Variants in NUP50 observed in about 807,000 individuals in gnomAD.
NUP50 encodes nucleoporin 50, also known as nuclear pore complex protein Nup50.
Under a neutral mutation model 36.8 loss-of-function variants are expected in NUP50, and 14 were observed. The observed-to-expected ratio is 0.38, with a 90% CI of 0.25 to 0.59. The LOEUF is 0.59. Among genes scored for constraint, NUP50 ranks in the 20% least tolerant of loss-of-function variants. NUP50 has a pLI of 0.63. For missense variants in NUP50, 455 were observed against 564.6 expected (o/e 0.81, Z 1.97); for synonymous variants, 195 against 210.8 (o/e 0.93, Z 0.65).
chr22:45,182,067 A>C (rs184804571), intron 6 of NUP50, among the ~76,000 whole-genome samples: 1 of 152,236 alleles, frequency 6.6e-6, no homozygotes, highest in Admixed American at 6.5e-5. Flanking sequence ...AGAGGCCAAC[A>C]ATTTCTTCTG....
chr22:45,171,193 C>T (rs1410673884), intron 2 of NUP50: 1 of 1,141,758 alleles, frequency 8.8e-7, no homozygotes, highest in Non-Finnish European at 1.1e-6. Flanking sequence ...TTATAAATAA[C>T]AAAATTTATT....
At chr22:45,167,171 G>A (rs1233808541) in intron 1 of NUP50, among the ~76,000 whole-genome samples, 4 of 152,148 alleles carry the variant, frequency 2.6e-5, no homozygotes, top group Non-Finnish European at 5.9e-5. Flanking sequence ...AGTGGGGAGA[G>A]TATCACGAAG....
Position 45,176,041 on chromosome 22 carries a change from G to A in NUP50, c.301G>A (p.Ala101Thr), listed in dbSNP as rs751626638. The change falls in exon 4 of 8, where the codon GCC becomes ACC. Residue 101 changes from alanine (A) to threonine (T), a missense_variant. Transcript: ENST00000347635. Reference sequence around the variant, plus strand: ...CAACATAACCAGTGCCCCTCCCTTCGCCAGTGCAAAGGCAGCGGCAGATCC... The same window carrying A: ...CAACATAACCAGTGCCCCTCCCTTCACCAGTGCAAAGGCAGCGGCAGATCC... ...GNNITSAPPF[A>T]SAKAAADPKV... The A allele has an allele frequency of 1.1e-5, 17 of 1,614,000 alleles. No homozygotes were observed. The highest frequency in any genetic ancestry group is 3.3e-5 in the South Asian group (3 of 91,076).
rs1456361963 is a variant in NUP50 at position 45,185,663 on chromosome 22, A to G, written c.*1008A>G. On this transcript the variant is annotated 3_prime_UTR_variant, in exon 8 of 8. Coordinates refer to ENST00000347635, the MANE Select transcript of NUP50 (RefSeq NM_007172.4). The stretch of plus-strand genomic sequence containing the variant: ...AACTTTGCCTTTAACTTTAGACCGC[A>G]GTATATTATAATACATTTGATATCT... 1 of 152,226 alleles carries G rather than the reference A, an allele frequency of 6.6e-6. No homozygotes were observed. The allele number at this position is 152,226 out of a possible 1,614,324, so 9.4% of individuals were successfully genotyped here. A position where few individuals can be genotyped will look rare whatever the true frequency, so the allele number is the denominator to read the frequency against.
At chr22:45,183,573 G>T (rs1367514128) in intron 7 of NUP50, 53 bp downstream of exon 7, 4 of 1,118,710 alleles carry the variant, frequency 3.6e-6, no homozygotes, top group Non-Finnish European at 5.5e-6. Context: ...GTATATAAAA[G>T]CGTTTACCCT....
rs530128415 is a variant in NUP50 at position 45,177,969 on chromosome 22, T to C, written c.341-269T>C. 1,218 of 391,030 alleles carry C rather than the reference T, an allele frequency of 3.1e-3. 3 individuals carry two copies. Among genetic ancestry groups the C allele is most frequent in the Non-Finnish European group, 4.5e-3 (959 of 211,852 alleles). The allele number at this position is 391,030 out of a possible 1,614,324, so 24.2% of individuals were successfully genotyped here. On this transcript the variant is annotated intron_variant, in intron 4 of 7. Coordinates refer to ENST00000347635, the MANE Select transcript of NUP50 (RefSeq NM_007172.4). ...TGACGAAACCCCATCTCTACTAAAA[T>C]ACAAAAATTAGCCGGGTGTGGTGGC...
chr22:45,187,774 A>G lies in NUP50; in HGVS notation c.*3119A>G, dbSNP rs1248218599. 6.6e-6 allele frequency: 1 copy of G among 152,600 alleles called. No homozygotes were observed. The allele number at this position is 152,600 out of a possible 1,614,324, so 9.5% of individuals were successfully genotyped here. Reference sequence around the variant, plus strand: ...CGTATGTTCTCAGCCAGTAACAATCATACTGAGGACGAAGGACTCTCCGTT... The same window carrying G: ...CGTATGTTCTCAGCCAGTAACAATCGTACTGAGGACGAAGGACTCTCCGTT... On this transcript the variant is annotated 3_prime_UTR_variant, in exon 8 of 8. Transcript: ENST00000347635.
rs541984009 is a variant in NUP50 at position 45,165,254 on chromosome 22, T to A, written c.-11+958T>A. 1.7e-4 allele frequency among the ~76,000 whole-genome samples: 26 copies of A among 152,338 alleles called. 1 individual carries two copies. The South Asian group carries it at 3.1e-3, about 18-fold the overall frequency. ...TTTTTAAATTCCCTTTTATTGATTGTTTGATTGAGACTGGGTCTTGCTTTG... is the reference window on the plus strand; with the variant it reads ...TTTTTAAATTCCCTTTTATTGATTGATTGATTGAGACTGGGTCTTGCTTTG... On this transcript the variant is annotated intron_variant, in intron 1 of 7. Coordinates refer to ENST00000347635, the MANE Select transcript of NUP50 (RefSeq NM_007172.4).
At chr22:45,165,220 C>T (rs1452997728) in intron 1 of NUP50, among the ~76,000 whole-genome samples, 2 of 152,162 alleles carry the variant, frequency 1.3e-5, no homozygotes, top group African/African-American at 4.8e-5. Context: ...TACCCACAAA[C>T]GCAAACGTTT....
chr22:45,176,218 C>T, intron 4 of NUP50, 138 bp downstream of exon 4: 2 of 925,522 alleles, frequency 2.2e-6, no homozygotes, highest in Non-Finnish European at 1.6e-6. Flanking sequence ...AGAGATGGAA[C>T]TTAGGGAGGT....
intron 3 of NUP50, chr22:45,175,672 TCCTG>T: frequency 2.2e-6 from 1 of 454,516 alleles, no homozygotes; most frequent in Non-Finnish European, 3.9e-6. Flanking sequence ...TAAATGTCCT[TCCTG>T]CCTGTTTCAG....
Position 45,185,904 on chromosome 22 carries a change from C to G in NUP50, c.*1249C>G, listed in dbSNP as rs184963048. ...TCATTTGAGACTAGTACCAGCTGATCTTGTGTACAGGCTCAGGGTCAGTGC... is the reference window on the plus strand; with the variant it reads ...TCATTTGAGACTAGTACCAGCTGATGTTGTGTACAGGCTCAGGGTCAGTGC... On this transcript the variant is annotated 3_prime_UTR_variant, in exon 8 of 8. Transcript: ENST00000347635. 4.4e-4 allele frequency: 67 copies of G among 152,338 alleles called. No homozygotes were observed. The highest frequency in any genetic ancestry group is 1.6e-3 in the African/African-American group (66 of 41,578). The allele number at this position is 152,338 out of a possible 1,614,324, so 9.4% of individuals were successfully genotyped here. A position where few individuals can be genotyped will look rare whatever the true frequency, so the allele number is the denominator to read the frequency against.
chr22:45,186,449 T>G lies in NUP50; in HGVS notation c.*1794T>G, dbSNP rs2083448164. ...GATGAAGAACTAAGGGGAACAAATT[T>G]AAGTTTGTTGCAACTTAGCCACACA... On this transcript the variant is annotated 3_prime_UTR_variant, in exon 8 of 8. Coordinates refer to ENST00000347635, the MANE Select transcript of NUP50 (RefSeq NM_007172.4). The G allele has an allele frequency of 6.6e-6, 1 of 152,208 alleles. No homozygotes were observed. The allele number at this position is 152,208 out of a possible 1,614,324, so 9.4% of individuals were successfully genotyped here.
At chr22:45,168,036 C>T in intron 1 of NUP50, 132 bp from the exon 2 acceptor site, 1 of 679,350 alleles carries the variant, frequency 1.5e-6, no homozygotes. Flanking sequence ...AAGCAGTTTC[C>T]AGATGCTTTT....
chr22:45,178,633 A>G lies in NUP50; in HGVS notation c.736A>G (p.Thr246Ala). The part of the protein sequence containing the change: ...FLFHGNKTED[T>A]PDKKMEVASE... ...GTTTCATGGCAACAAAACTGAAGAT[A>G]CACCTGACAAGAAGATGGAGGTGGC... Residue 246 changes from threonine to alanine, a missense_variant, in exon 5 of 8, where the codon ACA (threonine) becomes GCA (alanine). Coordinates refer to ENST00000347635, the MANE Select transcript of NUP50 (RefSeq NM_007172.4). 1.2e-6 allele frequency: 2 copies of G among 1,612,032 alleles called. No homozygotes were observed. The highest frequency in any genetic ancestry group is 1.7e-6 in the Non-Finnish European group (2 of 1,179,854).
chr22:45,171,596 G>T lies in NUP50; in HGVS notation c.70-4G>T, dbSNP rs78651571. On this transcript the variant is annotated splice_polypyrimidine_tract_variant and splice_region_variant and intron_variant, in intron 2 of 7. Transcript: ENST00000347635. ...ACTGCTGCTTAATTTGTATTGTATT[G>T]CAGGTGGGAACATTCTCCATGGCCA... 4,030 of 1,612,354 alleles carry T rather than the reference G, an allele frequency of 2.5e-3. 94 individuals are homozygous for T. In the African/African-American group the frequency reaches 0.049, roughly 19 times the overall value.
intron 4 of NUP50, among the ~76,000 whole-genome samples, chr22:45,176,913 T>C (rs1320091348): frequency 6.6e-6 from 1 of 152,106 alleles, no homozygotes; most frequent in Non-Finnish European, 1.5e-5. Flanking sequence ...AGCTAATTTT[T>C]GTAATTTTAG....
At chr22:45,170,874 A>G (rs1273384338) in intron 2 of NUP50, 6 of 598,586 alleles carry the variant, frequency 1.0e-5, no homozygotes, top group Non-Finnish European at 1.5e-5. Context: ...ACTTGGGGCA[A>G]GTGCAGCCAG....
At chr22:45,182,299 A>C (rs1466359354) in intron 6 of NUP50, among the ~76,000 whole-genome samples, 1 of 151,948 alleles carries the variant, frequency 6.6e-6, no homozygotes, top group Non-Finnish European at 1.5e-5. Flanking sequence ...AAATTAGCCT[A>C]ATGTGGTGGC....
Sources: gnomAD v4.1 joint callset for allele counts (sites outside exome capture counted in the v4.1 genomes callset) on GRCh38, gnomAD v4.1.1 for gene constraint, MANE v1.5 for transcripts, NCBI Gene and HGNC (gene_info 2026-07-23, HGNC 2026-07-21) for gene names.